SCAMP2: variants seen among roughly 807,000 people sequenced by gnomAD.
SCAMP2 encodes the protein secretory carrier-associated membrane protein 2.
A neutral mutation model predicts 44.1 loss-of-function variants in SCAMP2; 25 were observed. The observed-to-expected ratio is 0.57, with a 90% CI of 0.41 to 0.79. The LOEUF (loss-of-function observed/expected upper bound fraction) is 0.79. Among genes scored for constraint, SCAMP2 ranks in the 30% least tolerant of loss-of-function variants. The pLI, the probability that SCAMP2 is intolerant of heterozygous loss-of-function variation, is 0.00. For synonymous variants in SCAMP2, 156 were observed against 166.0 expected, an observed-to-expected ratio of 0.94 and a Z score of 0.46; for missense variants, 355 against 411.0, an observed-to-expected ratio of 0.86 and a Z score of 1.18.
At chr15:74,853,216 C>T (rs1417192459) in intron 3 of SCAMP2, 2 of 336,618 alleles carry the variant, frequency 5.9e-6, no homozygotes, top group Non-Finnish European at 1.2e-5. Context: ...TGAGAAGGAC[C>T]CAGCTCCCTA....
chr15:74,863,321 T>C (rs12900662), intron 1 of SCAMP2, among the ~76,000 whole-genome samples: 57,117 of 147,660 alleles, frequency 0.39, 13,548 homozygotes, highest in Non-Finnish European at 0.54. Flanking sequence ...CACTCCAGCC[T>C]GGGCAACAGA....
chr15:74,872,766 T>C (rs917138006), intron 1 of SCAMP2, among the ~76,000 whole-genome samples: 7 of 152,068 alleles, frequency 4.6e-5, no homozygotes, highest in African/African-American at 4.8e-5. Flanking sequence ...CCCACATTTT[T>C]CCCCTCCACC....
intron 1 of SCAMP2, among the ~76,000 whole-genome samples, chr15:74,867,913 G>A (rs1204870942): frequency 1.3e-5 from 2 of 152,246 alleles, no homozygotes; most frequent in African/African-American, 2.4e-5. Context: ...CAGAAGTGCT[G>A]AGTGGGAAAG....
At chr15:74,857,037 G>T (rs890081666) in intron 1 of SCAMP2, among the ~76,000 whole-genome samples, 2 of 152,172 alleles carry the variant, frequency 1.3e-5, no homozygotes, top group South Asian at 2.1e-4. Context: ...TATTTATAGA[G>T]CTGAGGGTCA....
chr15:74,864,377 A>C (rs1240581010), intron 1 of SCAMP2, among the ~76,000 whole-genome samples: 1 of 152,052 alleles, frequency 6.6e-6, no homozygotes, highest in Non-Finnish European at 1.5e-5. Context: ...CTTTAAAAAG[A>C]GCTTGCATGT....
intron 8 of SCAMP2, 46 bp from the exon 9 acceptor site, chr15:74,845,263 C>G (rs367749039): frequency 2.7e-5 from 43 of 1,600,960 alleles, no homozygotes; most frequent in African/African-American, 1.1e-4. Flanking sequence ...TTTGGGCCCA[C>G]CAGGAAGCCA....
intron 1 of SCAMP2, among the ~76,000 whole-genome samples, chr15:74,865,607 C>G (rs1473747181): frequency 2.0e-5 from 3 of 151,388 alleles, no homozygotes; most frequent in Non-Finnish European, 2.9e-5. Context: ...CAGGAGGAAG[C>G]TGAGAACTAG....
At position 74,844,675 on chromosome 15, in the gene SCAMP2, G is replaced by C. The variant is rs917758076; in HGVS notation, c.*408C>G. 4 of 165,154 alleles carry C rather than the reference G, an allele frequency of 2.4e-5. No individual in the cohort carries two copies. Among genetic ancestry groups the C allele is most frequent in the Admixed American group, 5.7e-5 (1 of 17,444 alleles). The allele number at this position is 165,154 out of a possible 1,614,324, so 10.2% of individuals were successfully genotyped here. A position where few individuals can be genotyped will look rare whatever the true frequency, so the allele number is the denominator to read the frequency against. ...GGACTGGGCTGTGTCTAAGAAGCCA[G>C]ATTCAGGCCAGGCCTGCAGGGTGGG... On this transcript the variant is annotated 3_prime_UTR_variant, in exon 9 of 9. Coordinates refer to ENST00000268099, the MANE Select transcript of SCAMP2 (RefSeq NM_005697.5).
chr15:74,854,478 G>A (rs1213497466), intron 2 of SCAMP2, 103 bp downstream of exon 2: 16 of 978,618 alleles, frequency 1.6e-5, no homozygotes, highest in Middle Eastern at 2.1e-4. Context: ...GAGGACTGCC[G>A]CTTCTCAGAG....
At chr15:74,855,716 CAAAAAA>C (rs10609131) in intron 1 of SCAMP2, among the ~76,000 whole-genome samples, 2 of 84,104 alleles carry the variant, frequency 2.4e-5, no homozygotes, top group Non-Finnish European at 2.3e-5. Context: ...AACTCCATCT[CAAAAAA>C]AAAAAAAAAA....
At chr15:74,859,616 CTTTTTTTT>C in intron 1 of SCAMP2, among the ~76,000 whole-genome samples, 1 of 132,560 alleles carries the variant, frequency 7.5e-6, no homozygotes, top group Middle Eastern at 3.9e-3. Flanking sequence ...GAAAACCACA[CTTTTTTTT>C]TTTTTTTTTT....
At chr15:74,855,385 A>C (rs2064462347) in intron 1 of SCAMP2, among the ~76,000 whole-genome samples, 1 of 150,484 alleles carries the variant, frequency 6.6e-6, no homozygotes, top group Non-Finnish European at 1.5e-5. Context: ...TACAGGCGTG[A>C]GCCACCATGC....
Position 74,854,097 on chromosome 15 carries a change from GGA to G in SCAMP2, c.147_148del (p.Pro50CysfsTer158), listed in dbSNP as rs770487375. On this transcript the variant is annotated frameshift_variant, in exon 3 of 9. Coordinates refer to ENST00000268099, the MANE Select transcript of SCAMP2 (RefSeq NM_005697.5). LOFTEE classifies it high-confidence loss of function. ...TGAGGACCCAGGGAGTTGGGTGACA[GGA>G]ACTGTTGTCGCTGCATTTGTCTACA... 1 of 1,614,184 alleles carries G rather than the reference GGA, an allele frequency of 6.2e-7. No individual in the cohort carries two copies. Among genetic ancestry groups the G allele is most frequent in the Admixed American group, 1.7e-5 (1 of 60,034 alleles).
At chr15:74,862,857 C>CACAT (rs2064517235) in intron 1 of SCAMP2, among the ~76,000 whole-genome samples, 1 of 45,440 alleles carries the variant, frequency 2.2e-5, no homozygotes, top group Non-Finnish European at 4.6e-5. Flanking sequence ...AAACCATACA[C>CACAT]ACACACACAC....
Position 74,844,847 on chromosome 15 carries a change from CA to C in SCAMP2, c.*235del. The C allele has an allele frequency of 2.1e-6, 1 of 484,734 alleles. No homozygotes were observed. The highest frequency in any genetic ancestry group is 3.7e-6 in the Non-Finnish European group (1 of 269,936). The allele number at this position is 484,734 out of a possible 1,614,324, so 30.0% of individuals were successfully genotyped here. On this transcript the variant is annotated 3_prime_UTR_variant, in exon 9 of 9. Coordinates refer to ENST00000268099, the MANE Select transcript of SCAMP2 (RefSeq NM_005697.5). ...GCTTCCAGAGACAAAAGAATCCTAC[CA>C]AACCATCACCAGAGAAGGAAAGAGA...
intron 1 of SCAMP2, among the ~76,000 whole-genome samples, chr15:74,856,188 C>A (rs963028541): frequency 4.6e-5 from 7 of 151,990 alleles, no homozygotes; most frequent in Non-Finnish European, 1.0e-4. Context: ...CACCCCACAC[C>A]CCTAATTATT....
chr15:74,855,279 T>G (rs1022761738), intron 1 of SCAMP2, among the ~76,000 whole-genome samples: 2 of 151,890 alleles, frequency 1.3e-5, no homozygotes, highest in Non-Finnish European at 2.9e-5. Context: ...AATTTTTGTA[T>G]TTTTAGTAGA....
At chr15:74,853,262 G>A (rs893713477) in intron 3 of SCAMP2, 19 of 367,994 alleles carry the variant, frequency 5.2e-5, no homozygotes, top group Admixed American at 3.5e-4. Flanking sequence ...AGGCAACTCC[G>A]CATGTAAGGC....
At chr15:74,865,996 AAGG>A (rs1567255367) in intron 1 of SCAMP2, among the ~76,000 whole-genome samples, 3 of 49,818 alleles carry the variant, frequency 6.0e-5, no homozygotes, top group Non-Finnish European at 1.8e-4. Context: ...GGAAGGAAGG[AAGG>A]AAGGAAGGAA....
Sources: gnomAD v4.1 joint callset for allele counts (sites outside exome capture counted in the v4.1 genomes callset) on GRCh38, gnomAD v4.1.1 for gene constraint, MANE v1.5 for transcripts, NCBI Gene and HGNC (gene_info 2026-07-23, HGNC 2026-07-21) for gene names.